Variants in SSX2IP observed in about 807,000 individuals in gnomAD.
SSX2IP encodes afadin- and alpha-actinin-binding protein.
In SSX2IP, 55 loss-of-function variants were observed where a neutral mutation model predicts 84.9. That is an observed-to-expected ratio of 0.65 (90% CI 0.52 to 0.81). SSX2IP has a LOEUF of 0.81. Among genes scored for constraint, SSX2IP ranks in the 30% least tolerant of loss-of-function variants. The pLI is 0.00. For missense variants in SSX2IP, 664 were observed against 705.2 expected (o/e 0.94, Z 0.66); for synonymous variants, 239 against 234.7 (o/e 1.02, Z -0.17).
chr1:84,647,592 C>T lies in SSX2IP; in HGVS notation c.1686G>A (p.Leu562=), dbSNP rs151114306. The T allele has an allele frequency of 6.2e-7, 1 of 1,603,464 alleles. No homozygotes were observed. Among genetic ancestry groups the T allele is most frequent in the Non-Finnish European group, 8.5e-7 (1 of 1,174,228 alleles). The change falls in exon 14 of 14, where the codon CTG becomes CTA. Residue 562 remains leucine (L), a synonymous_variant. Transcript: ENST00000342203. ...CISEHSSINV[L]NITAEEIKPN... ...GTTTAATTTCTTCAGCAGTTATATT[C>T]AGTACATTGATTGAACTGTTGGGAA...
intron 8 of SSX2IP, among the ~76,000 whole-genome samples, chr1:84,660,684 G>C (rs138247766): frequency 2.6e-4 from 39 of 152,036 alleles, no homozygotes; most frequent in Admixed American, 1.2e-3. Flanking sequence ...AGAATTGCTT[G>C]AACCCGAGAG....
intron 8 of SSX2IP, among the ~76,000 whole-genome samples, chr1:84,661,789 C>T (rs1215181736): frequency 6.6e-6 from 1 of 152,124 alleles, no homozygotes; most frequent in Admixed American, 6.6e-5. Flanking sequence ...AACTTGGATT[C>T]AAATCCTAGC....
chr1:84,689,233 T>G (rs1442786968), intron 1 of SSX2IP, among the ~76,000 whole-genome samples: 1 of 152,198 alleles, frequency 6.6e-6, no homozygotes, highest in African/African-American at 2.4e-5. Flanking sequence ...TTCTAATTCT[T>G]TACAAATTTT....
At chr1:84,649,865 GGA>G (rs1434103579) in intron 13 of SSX2IP, 2 of 501,266 alleles carry the variant, frequency 4.0e-6, no homozygotes, top group Admixed American at 4.2e-5. Context: ...TTCCCAGGGT[GGA>G]GAGCCATGTT....
chr1:84,657,369 G>T (rs1464375941), intron 9 of SSX2IP, among the ~76,000 whole-genome samples: 1 of 152,114 alleles, frequency 6.6e-6, no homozygotes, highest in Non-Finnish European at 1.5e-5. Flanking sequence ...ACTGTTAAGT[G>T]TTATATGTAT....
chr1:84,666,860 T>C (rs986852629), intron 4 of SSX2IP, among the ~76,000 whole-genome samples: 1 of 152,098 alleles, frequency 6.6e-6, no homozygotes, highest in Non-Finnish European at 1.5e-5. Flanking sequence ...CTGTGCCGAG[T>C]TCTGCATGAG....
intron 4 of SSX2IP, among the ~76,000 whole-genome samples, chr1:84,668,548 T>C (rs990324091): frequency 1.3e-5 from 2 of 152,144 alleles, no homozygotes; most frequent in Non-Finnish European, 1.5e-5. Context: ...TAAGACAGCA[T>C]TATCAATGAC....
At chr1:84,648,936 G>A (rs930571846) in intron 13 of SSX2IP, among the ~76,000 whole-genome samples, 1 of 151,976 alleles carries the variant, frequency 6.6e-6, no homozygotes, top group African/African-American at 2.4e-5. Flanking sequence ...CTCCAATAGT[G>A]CCTCCTAACT....
rs767837308 is a variant in SSX2IP, at chr1:84,666,234, TA to T, written c.427-3del. On this transcript the variant is annotated splice_polypyrimidine_tract_variant and splice_region_variant and intron_variant, in intron 4 of 13. Transcript: ENST00000342203. Reference sequence around the variant, plus strand: ...CCTCCTGGAGGTTTCCAGTTGTTCCTAAAACATTTATAAGCAATTTTGCTTA... The same window carrying T: ...CCTCCTGGAGGTTTCCAGTTGTTCCTAAACATTTATAAGCAATTTTGCTTA... The T allele has an allele frequency of 1.9e-6, 3 of 1,604,910 alleles. No individual in the cohort carries two copies. Among genetic ancestry groups the T allele is most frequent in the Non-Finnish European group, 2.6e-6 (3 of 1,175,828 alleles).
chr1:84,650,646 T>C, intron 12 of SSX2IP, 119 bp from the exon 13 acceptor site: 1 of 1,010,742 alleles, frequency 9.9e-7, no homozygotes, highest in Non-Finnish European at 1.5e-6. Context: ...ATGGAACAAA[T>C]TCAAATTAAT....
At chr1:84,660,003 A>G (rs1448523095) in intron 8 of SSX2IP, among the ~76,000 whole-genome samples, 1 of 151,944 alleles carries the variant, frequency 6.6e-6, no homozygotes, top group African/African-American at 2.4e-5. Context: ...CTGCCTCTAA[A>G]AAACCAAAAA....
intron 11 of SSX2IP, among the ~76,000 whole-genome samples, chr1:84,654,957 T>C (rs1249224230): frequency 6.6e-6 from 1 of 152,082 alleles, no homozygotes; most frequent in Non-Finnish European, 1.5e-5. Context: ...GATGAACTGA[T>C]ACTGACTGAA....
chr1:84,644,548 T>A lies in SSX2IP; in HGVS notation c.*2885A>T, dbSNP rs1184102730. On this transcript the variant is annotated 3_prime_UTR_variant, in exon 14 of 14. Transcript: ENST00000342203. ...AAATTCAATCTAGAAATAACATGAC[T>A]CATATTAGGCAATATACTTTGAAGA... is the stretch of plus-strand genomic sequence containing the variant. The A allele has an allele frequency of 6.6e-6, 1 of 152,202 alleles. No individual in the cohort carries two copies. The highest frequency in any genetic ancestry group is 1.5e-5 in the Non-Finnish European group (1 of 68,038). 9.4% of individuals were successfully genotyped at this position (152,202 alleles called of 1,614,324 possible).
intron 11 of SSX2IP, chr1:84,655,215 C>G (rs1268163979): frequency 1.9e-6 from 1 of 537,232 alleles, no homozygotes; most frequent in Non-Finnish European, 2.4e-6. Flanking sequence ...CCAACAGATA[C>G]TTTTTAACAG....
In SSX2IP at chr1:84,650,034, T is replaced by A. The variant is rs1570553222; in HGVS notation, c.1670+328A>T. On this transcript the variant is annotated intron_variant, in intron 13 of 13. Coordinates refer to ENST00000342203, the MANE Select transcript of SSX2IP (RefSeq NM_001166293.2). Reference sequence around the variant, plus strand: ...ACTGTCAAAACAATATCCTTCCATTTAATACAATTAAAGTGCTTAAAATAT... The same window carrying A: ...ACTGTCAAAACAATATCCTTCCATTAAATACAATTAAAGTGCTTAAAATAT... The A allele has an allele frequency of 1.9e-5, 12 of 642,602 alleles. No individual in the cohort carries two copies. In the East Asian group the frequency reaches 3.5e-4, roughly 19 times the overall value. 39.8% of individuals were successfully genotyped at this position (642,602 alleles called of 1,614,324 possible). A position where few individuals can be genotyped will look rare whatever the true frequency, so the allele number is the denominator to read the frequency against.
intron 8 of SSX2IP, among the ~76,000 whole-genome samples, chr1:84,659,181 GAAC>G (rs2102287779): frequency 6.6e-6 from 1 of 152,224 alleles, no homozygotes; most frequent in East Asian, 1.9e-4. Flanking sequence ...TCACTAATTT[GAAC>G]AATAAAAATC....
At chr1:84,689,614 A>C (rs918236631) in intron 1 of SSX2IP, among the ~76,000 whole-genome samples, 9 of 152,208 alleles carry the variant, frequency 5.9e-5, no homozygotes, top group African/African-American at 2.2e-4. Flanking sequence ...TAATCTAAAA[A>C]TTCCTACATT....
At position 84,644,248 on chromosome 1, in the gene SSX2IP, C is replaced by T. The variant is rs1470524421; in HGVS notation, c.*3185G>A. The T allele has an allele frequency of 6.6e-6, 1 of 152,194 alleles. No homozygotes were observed. The highest frequency in any genetic ancestry group is 1.5e-5 in the Non-Finnish European group (1 of 68,032). The allele number at this position is 152,194 out of a possible 1,614,324, so 9.4% of individuals were successfully genotyped here. On this transcript the variant is annotated 3_prime_UTR_variant, in exon 14 of 14. Coordinates refer to ENST00000342203, the MANE Select transcript of SSX2IP (RefSeq NM_001166293.2). Reference sequence around the variant, plus strand: ...GTTAAAAAACAAATGTGGCCTGGAGCAGACCCATCAGTCCATGTTTTATGA... The same window carrying T: ...GTTAAAAAACAAATGTGGCCTGGAGTAGACCCATCAGTCCATGTTTTATGA...
chr1:84,665,010 C>T (rs1235976165), intron 5 of SSX2IP, among the ~76,000 whole-genome samples: 11 of 152,070 alleles, frequency 7.2e-5, no homozygotes, highest in African/African-American at 9.7e-5. Context: ...AAACAATTCT[C>T]GAGTAAGAGT....
Sources: gnomAD v4.1 joint callset for allele counts (sites outside exome capture counted in the v4.1 genomes callset) on GRCh38, gnomAD v4.1.1 for gene constraint, MANE v1.5 for transcripts, NCBI Gene and HGNC (gene_info 2026-07-23, HGNC 2026-07-21) for gene names.